Variants in ZFHX3 observed in about 807,000 individuals in gnomAD.
The protein encoded by ZFHX3 is zinc finger homeobox 3, also known as zinc finger homeobox protein 3.
A neutral mutation model predicts 279.1 loss-of-function variants in ZFHX3; 42 were observed. The observed-to-expected ratio is 0.15, with a 90% confidence interval of 0.12 to 0.19. The LOEUF (loss-of-function observed/expected upper bound fraction) is 0.19, where lower values mean the gene tolerates loss of function less well. Among genes scored for constraint, ZFHX3 ranks in the 10% least tolerant of loss-of-function variants. The pLI, the probability that ZFHX3 is intolerant of heterozygous loss-of-function variation, is 1.00. For missense variants in ZFHX3, 4,981 were observed against 4,754.0 expected, an observed-to-expected ratio of 1.05 and a Z score of -1.40; for synonymous variants, 2,293 against 1,957.8, an observed-to-expected ratio of 1.17 and a Z score of -4.52.
At chr16:72,818,009 C>T (rs1345906397) in intron 5 of ZFHX3, among the ~76,000 whole-genome samples, 2 of 152,222 alleles carry the variant, frequency 1.3e-5, no homozygotes, top group Non-Finnish European at 2.9e-5. Context: ...CATCGCCTTA[C>T]ATTCCGTAAA....
At chr16:72,946,318 C>A (rs146370596) in intron 3 of ZFHX3, among the ~76,000 whole-genome samples, 302 of 152,332 alleles carry the variant, frequency 2.0e-3, no homozygotes, top group Non-Finnish European at 3.5e-3. Context: ...GTGGCCCAGA[C>A]TCAACACCGT....
At chr16:73,812,288 T>C (rs1478452102) in intron 1 of ZFHX3, among the ~76,000 whole-genome samples, 3 of 152,206 alleles carry the variant, frequency 2.0e-5, no homozygotes, top group Non-Finnish European at 2.9e-5. Flanking sequence ...GGAAACACTC[T>C]CACTTCCGCT....
chr16:73,445,602 T>C (rs1235540097), intron 3 of ZFHX3, among the ~76,000 whole-genome samples: 1 of 152,098 alleles, frequency 6.6e-6, no homozygotes, highest in South Asian at 2.1e-4. Context: ...AAATTCACAA[T>C]CACATAGTGT....
At chr16:72,908,114 G>C (rs2039229309) in intron 3 of ZFHX3, among the ~76,000 whole-genome samples, 1 of 152,202 alleles carries the variant, frequency 6.6e-6, no homozygotes, top group Admixed American at 6.5e-5. Context: ...GCTGCCCTGA[G>C]TGCTGGTAAT....
intron 3 of ZFHX3, among the ~76,000 whole-genome samples, chr16:72,893,585 C>T (rs540095620): frequency 3.9e-5 from 6 of 152,216 alleles, no homozygotes; most frequent in Non-Finnish European, 8.8e-5. Context: ...ATCCACTCCA[C>T]ACTCTAGCTC....
intron 5 of ZFHX3, among the ~76,000 whole-genome samples, chr16:72,813,191 A>C (rs1411324565): frequency 6.6e-6 from 1 of 152,234 alleles, no homozygotes; most frequent in Non-Finnish European, 1.5e-5. Context: ...AAAAAAAAGT[A>C]ATAAAAGTGG....
chr16:73,537,729 A>C (rs899326406), intron 2 of ZFHX3, among the ~76,000 whole-genome samples: 8 of 152,234 alleles, frequency 5.3e-5, no homozygotes, highest in Non-Finnish European at 4.4e-5. Flanking sequence ...CACCTGAAGC[A>C]GTTCATTCTT....
chr16:73,758,972 G>A (rs2053837548), intron 1 of ZFHX3, among the ~76,000 whole-genome samples: 1 of 152,146 alleles, frequency 6.6e-6, no homozygotes. Context: ...GTGGTGCATG[G>A]GCATTACAAG....
chr16:73,329,489 A>T (rs2015758238), intron 3 of ZFHX3, among the ~76,000 whole-genome samples: 1 of 152,246 alleles, frequency 6.6e-6, no homozygotes. Context: ...CCAGATCCTC[A>T]TTGGCATGCC....
At chr16:73,721,171 G>C (rs890238719) in intron 1 of ZFHX3, among the ~76,000 whole-genome samples, 3 of 151,912 alleles carry the variant, frequency 2.0e-5, no homozygotes. Context: ...CGCCAGGCTG[G>C]CATGCAGTGG....
intron 1 of ZFHX3, among the ~76,000 whole-genome samples, chr16:73,831,254 T>C (rs1960988131): frequency 6.6e-6 from 1 of 152,192 alleles, no homozygotes; most frequent in South Asian, 2.1e-4. Flanking sequence ...CAAGCATCCC[T>C]GAAAGCAAAG....
At chr16:73,437,785 G>A (rs542026604) in intron 3 of ZFHX3, among the ~76,000 whole-genome samples, 23 of 152,258 alleles carry the variant, frequency 1.5e-4, no homozygotes, top group African/African-American at 5.5e-4. Context: ...TTAATCAAAA[G>A]AAAGTCAAAT....
chr16:73,092,022 T>G (rs370394156), intron 8 of ZFHX3, among the ~76,000 whole-genome samples: 11 of 152,262 alleles, frequency 7.2e-5, no homozygotes, highest in Non-Finnish European at 1.3e-4. Flanking sequence ...CATAGTGATG[T>G]AGTGTCTTGC....
Position 73,733,807 on chromosome 16 carries a change from T to C in ZFHX3, c.-1607-53567A>G, listed in dbSNP as rs1455163199. On this transcript the variant is annotated intron_variant, in intron 1 of 17. Coordinates refer to the ZFHX3 transcript ENST00000641206. ...AGGGCAATTATTTGAAAAATTTGTATACAAGAACACATTAAAATACATCCC... is the reference window on the plus strand; with the variant it reads ...AGGGCAATTATTTGAAAAATTTGTACACAAGAACACATTAAAATACATCCC... Among the ~76,000 whole-genome samples, 3 of 152,204 alleles carry C rather than the reference T, an allele frequency of 2.0e-5. No homozygotes were observed. In the East Asian group the frequency reaches 5.8e-4, roughly 29 times the overall value.
chr16:73,681,211 A>G (rs1444785149), intron 1 of ZFHX3, among the ~76,000 whole-genome samples: 1 of 152,214 alleles, frequency 6.6e-6, no homozygotes, highest in African/African-American at 2.4e-5. Flanking sequence ...TAAACAAATT[A>G]AGGCAACATG....
At chr16:73,713,159 G>A (rs1016349777) in intron 1 of ZFHX3, among the ~76,000 whole-genome samples, 4 of 152,204 alleles carry the variant, frequency 2.6e-5, no homozygotes, top group African/African-American at 9.6e-5. Context: ...TACATGCTGG[G>A]ATAATGAAGT....
rs1455463345 is a variant in ZFHX3, at chr16:72,921,444, G to A, written c.3216+29025C>T. ...GATACATAGGGCTAAGTGGGAAGAC[G>A]GCGCAATGCAAAAGGGCAGAGGACT... is the stretch of plus-strand genomic sequence containing the variant. On this transcript the variant is annotated intron_variant, in intron 3 of 9. Coordinates refer to ENST00000268489, the MANE Select transcript of ZFHX3 (RefSeq NM_006885.4). Among the ~76,000 whole-genome samples, 4 of 152,344 alleles carry A rather than the reference G, an allele frequency of 2.6e-5. No homozygotes were observed. In the East Asian group the frequency reaches 5.8e-4, roughly 22 times the overall value.
intron 1 of ZFHX3, among the ~76,000 whole-genome samples, chr16:73,833,391 T>C (rs1279537619): frequency 6.6e-6 from 1 of 152,150 alleles, no homozygotes; most frequent in African/African-American, 2.4e-5. Context: ...ATCAATTCCT[T>C]GCAAGATGGG....
At chr16:73,837,926 G>A (rs961738510) in intron 1 of ZFHX3, among the ~76,000 whole-genome samples, 5 of 152,142 alleles carry the variant, frequency 3.3e-5, no homozygotes, top group Non-Finnish European at 2.9e-5. Flanking sequence ...TTGAGCCACC[G>A]CACCCAGCCT....
Sources: gnomAD v4.1 joint callset for allele counts (sites outside exome capture counted in the v4.1 genomes callset) on GRCh38, gnomAD v4.1.1 for gene constraint, MANE v1.5 for transcripts, NCBI Gene and HGNC (gene_info 2026-07-23, HGNC 2026-07-21) for gene names.